NSD1: variants seen among roughly 807,000 people sequenced by gnomAD.
NSD1 encodes the protein histone-lysine N-methyltransferase, H3 lysine-36 specific.
NSD1 carries 26 observed loss-of-function variants against 242.7 expected under a neutral mutation model. That is an observed-to-expected ratio of 0.11 (90% CI 0.08 to 0.15). The LOEUF is 0.15. NSD1 is among the 10% of genes least tolerant of loss of function. The pLI, the probability that NSD1 is intolerant of heterozygous loss-of-function variation, is 1.00. For synonymous variants in NSD1, 1,106 were observed against 1,178.1 expected, an observed-to-expected ratio of 0.94 and a Z score of 1.25; for missense variants, 2,495 against 3,272.8, an observed-to-expected ratio of 0.76 and a Z score of 5.80.
At chr5:177,248,414 G>C in intron 11 of NSD1, 90 bp downstream of exon 11, 1 of 1,458,016 alleles carries the variant, frequency 6.9e-7, no homozygotes, top group Non-Finnish European at 9.4e-7. Flanking sequence ...TTTCTTGGTA[G>C]AATAACAATG....
chr5:177,268,424 A>C (rs150484875), intron 15 of NSD1, among the ~76,000 whole-genome samples: 2,765 of 152,024 alleles, frequency 0.018, 33 homozygotes, highest in Non-Finnish European at 0.028. Context: ...ACATGTATAC[A>C]TATGTAACAA....
chr5:177,138,515 C>T (rs964017657), intron 2 of NSD1, among the ~76,000 whole-genome samples: 1 of 152,184 alleles, frequency 6.6e-6, no homozygotes, highest in Admixed American at 6.5e-5. Flanking sequence ...CTTGGCCTCC[C>T]AAAGTGCTGG....
At chr5:177,193,540 G>A (rs1761867499) in intron 3 of NSD1, among the ~76,000 whole-genome samples, 1 of 152,102 alleles carries the variant, frequency 6.6e-6, no homozygotes, top group East Asian at 1.9e-4. Flanking sequence ...GCCTCCCAAA[G>A]TGTTGGGATT....
chr5:177,137,117 A>T, intron 2 of NSD1: 1 of 402,386 alleles, frequency 2.5e-6, no homozygotes, highest in Non-Finnish European at 4.4e-6. Flanking sequence ...GCTTATGAAG[A>T]ATTTCTTGAC....
Position 177,295,716 on chromosome 5 carries a change from C to T in NSD1, c.*257C>T, listed in dbSNP as rs902959747. 3.5e-6 allele frequency: 2 copies of T among 567,360 alleles called. No homozygotes were observed. The highest frequency in any genetic ancestry group is 6.1e-5 in the Admixed American group (2 of 32,918). The allele number at this position is 567,360 out of a possible 1,614,324, so 35.1% of individuals were successfully genotyped here. On this transcript the variant is annotated 3_prime_UTR_variant, in exon 23 of 23. Transcript: ENST00000439151. This position sits in a 1 kb window ranked among gnomAD's most constrained non-coding sequence, Gnocchi z 4.3. ...ACAGACTTGGGTCTCTTTCCCCCAACTTTTCCACATGGTCATCGTGAAATA... is the reference window on the plus strand; with the variant it reads ...ACAGACTTGGGTCTCTTTCCCCCAATTTTTCCACATGGTCATCGTGAAATA...
chr5:177,283,488 A>G (rs1377015251), intron 19 of NSD1, among the ~76,000 whole-genome samples: 1 of 152,216 alleles, frequency 6.6e-6, no homozygotes, highest in Non-Finnish European at 1.5e-5. Context: ...CTCAAACTTC[A>G]ATGTAGTCAG....
Position 177,285,421 on chromosome 5 carries a change from G to A in NSD1, c.6151+1493G>A, listed in dbSNP as rs546345721. 5.3e-5 allele frequency among the ~76,000 whole-genome samples: 8 copies of A among 151,916 alleles called. No homozygotes were observed. The South Asian group carries it at 6.2e-4, about 12-fold the overall frequency. On this transcript the variant is annotated intron_variant, in intron 20 of 22. Coordinates refer to ENST00000439151, the MANE Select transcript of NSD1 (RefSeq NM_022455.5). ...TACTGAAAATACAAAAAAATTAGCC[G>A]GACGTGGTGGCAGGCGCCTGTAGTC...
intron 2 of NSD1, among the ~76,000 whole-genome samples, chr5:177,188,147 G>A (rs1183472513): frequency 6.6e-6 from 1 of 152,130 alleles, no homozygotes. Context: ...TTGTACATAG[G>A]TGTTTACTAA....
chr5:177,251,618 C>T (rs1321037708), intron 11 of NSD1, 112 bp from the exon 12 acceptor site: 2 of 1,096,106 alleles, frequency 1.8e-6, no homozygotes, highest in African/African-American at 1.6e-5. Flanking sequence ...GCCTCTTTCT[C>T]ACCTCCTTTT....
At chr5:177,212,636 T>C (rs1763449470) in intron 5 of NSD1, among the ~76,000 whole-genome samples, 1 of 152,008 alleles carries the variant, frequency 6.6e-6, no homozygotes, top group Non-Finnish European at 1.5e-5. Flanking sequence ...GTTCCCCGTT[T>C]CTTACCTTTT....
intron 12 of NSD1, among the ~76,000 whole-genome samples, chr5:177,252,193 G>A (rs1480595766): frequency 6.6e-6 from 1 of 152,144 alleles, no homozygotes; most frequent in African/African-American, 2.4e-5. Context: ...TAATGAAAGC[G>A]TGTAAAACAT....
chr5:177,212,051 C>T lies in NSD1; in HGVS notation c.3652C>T (p.Leu1218=). 1 of 1,614,146 alleles carries T rather than the reference C, an allele frequency of 6.2e-7. No individual in the cohort carries two copies. ...TTCAGCAAGCATACTTGAGGAACCA[C>T]TGACAGAGCAAAATCATGCTGACTG... ...TPSASILEEP[L]TEQNHADCLD... Residue 1218 remains leucine, a synonymous_variant, in exon 5 of 23, where the codon CTG becomes TTG. Coordinates refer to ENST00000439151, the MANE Select transcript of NSD1 (RefSeq NM_022455.5).
At chr5:177,221,364 G>A (rs941297044) in intron 5 of NSD1, among the ~76,000 whole-genome samples, 4 of 151,278 alleles carry the variant, frequency 2.6e-5, no homozygotes. Context: ...TCTTCAATAG[G>A]CATTTTCCAT....
chr5:177,204,425 T>A, intron 4 of NSD1, 133 bp downstream of exon 4: 1 of 799,648 alleles, frequency 1.3e-6, no homozygotes, highest in Non-Finnish European at 2.0e-6. Context: ...GCAATCTTTG[T>A]TCACTGCAAC....
rs893607526 is a variant in NSD1, at chr5:177,269,318, C to A, written c.5304-284C>A. ...ATAATGCTTCAGTGAATGTTATTGT[C>A]ATAACTCTCTGTTCCTATATCATTA... On this transcript the variant is annotated intron_variant, in intron 15 of 22. Coordinates refer to ENST00000439151, the MANE Select transcript of NSD1 (RefSeq NM_022455.5). This position sits in a 1 kb window ranked among gnomAD's most constrained non-coding sequence, Gnocchi z 5.1. Among the ~76,000 whole-genome samples the A allele has an allele frequency of 6.6e-6, 1 of 152,086 alleles. No individual in the cohort carries two copies. The highest frequency in any genetic ancestry group is 1.5e-5 in the Non-Finnish European group (1 of 68,018).
chr5:177,193,473 C>T (rs1339953513), intron 3 of NSD1, among the ~76,000 whole-genome samples: 2 of 152,104 alleles, frequency 1.3e-5, no homozygotes, highest in Non-Finnish European at 1.5e-5. Context: ...GATGGGGTTT[C>T]ACCATGTTGG....
At chr5:177,282,194 C>T (rs1010299785) in intron 18 of NSD1, among the ~76,000 whole-genome samples, 4 of 152,140 alleles carry the variant, frequency 2.6e-5, no homozygotes, top group East Asian at 3.9e-4. Flanking sequence ...TTTATAAGGA[C>T]GCTCTAGTTT....
At chr5:177,151,289 T>C (rs1167331236) in intron 2 of NSD1, among the ~76,000 whole-genome samples, 1 of 152,134 alleles carries the variant, frequency 6.6e-6, no homozygotes, top group Non-Finnish European at 1.5e-5. Context: ...GGCAGGAGAA[T>C]CCAGAATTGA....
At chr5:177,157,201 C>T (rs906702367) in intron 2 of NSD1, among the ~76,000 whole-genome samples, 1 of 151,794 alleles carries the variant, frequency 6.6e-6, no homozygotes, top group African/African-American at 2.4e-5. Context: ...AACTTTGTCT[C>T]TACTAAAAAT....
Sources: gnomAD v4.1 joint callset for allele counts (sites outside exome capture counted in the v4.1 genomes callset) on GRCh38, gnomAD v4.1.1 for gene constraint, Gnocchi (gnomAD v3.1) non-coding constraint, MANE v1.5 for transcripts, NCBI Gene and HGNC (gene_info 2026-07-23, HGNC 2026-07-21) for gene names.